Variants in STK32B observed in about 807,000 individuals in gnomAD.
STK32B encodes serine/threonine-protein kinase 32B.
A neutral mutation model predicts 52.6 loss-of-function variants in STK32B; 43 were observed. The ratio of observed to expected loss-of-function variants is 0.82; its 90% confidence interval spans 0.64 to 1.05. STK32B has a LOEUF of 1.05. STK32B is among the 50% of genes least tolerant of loss of function. STK32B has a pLI of 0.00. For synonymous variants in STK32B, 238 were observed against 204.3 expected (o/e 1.17, Z -1.41); for missense variants, 621 against 534.6 (o/e 1.16, Z -1.59).
chr4:5,080,204 T>A (rs1369694073), intron 1 of STK32B, among the ~76,000 whole-genome samples: 1 of 152,152 alleles, frequency 6.6e-6, no homozygotes, highest in African/African-American at 2.4e-5. Flanking sequence ...GATCAAATTC[T>A]CTAAGGCCCT....
chr4:5,352,033 C>G (rs929065375), intron 4 of STK32B, among the ~76,000 whole-genome samples: 1 of 151,912 alleles, frequency 6.6e-6, no homozygotes, highest in Non-Finnish European at 1.5e-5. Flanking sequence ...AAAGAGCTAA[C>G]AAAGTTTTCC....
intron 3 of STK32B, among the ~76,000 whole-genome samples, chr4:5,209,154 A>C (rs768038201): frequency 6.6e-6 from 1 of 152,244 alleles, no homozygotes; most frequent in African/African-American, 2.4e-5. Flanking sequence ...CTAACATATT[A>C]ACAGTAGGGT....
At chr4:5,436,989 A>G (rs1714140816) in intron 6 of STK32B, among the ~76,000 whole-genome samples, 1 of 152,226 alleles carries the variant, frequency 6.6e-6, no homozygotes, top group Non-Finnish European at 1.5e-5. Context: ...GAGCCAGTCC[A>G]CACATTTATT....
chr4:5,223,256 C>T (rs1206710895), intron 3 of STK32B, among the ~76,000 whole-genome samples: 1 of 152,198 alleles, frequency 6.6e-6, no homozygotes, highest in Non-Finnish European at 1.5e-5. Flanking sequence ...CAAAGAATGT[C>T]TCAGAGTCCT....
chr4:5,489,615 T>G (rs916968994), intron 11 of STK32B, among the ~76,000 whole-genome samples: 1 of 151,960 alleles, frequency 6.6e-6, no homozygotes, highest in Non-Finnish European at 1.5e-5. Flanking sequence ...TTATTTTATT[T>G]TATTTATTTT....
intron 11 of STK32B, among the ~76,000 whole-genome samples, chr4:5,497,190 A>T (rs28718965): frequency 6.6e-6 from 1 of 152,000 alleles, no homozygotes; most frequent in Non-Finnish European, 1.5e-5. Context: ...ACATGTTAGC[A>T]GCTGGAATCC....
At chr4:5,183,154 G>C (rs1407369253) in intron 3 of STK32B, among the ~76,000 whole-genome samples, 1 of 152,120 alleles carries the variant, frequency 6.6e-6, no homozygotes, top group Non-Finnish European at 1.5e-5. Flanking sequence ...TTAGCCCCTA[G>C]CAAGAGTCGG....
At chr4:5,424,600 A>G (rs2654505) in intron 6 of STK32B, among the ~76,000 whole-genome samples, 87,811 of 152,090 alleles carry the variant, frequency 0.58, 27,606 homozygotes, top group Middle Eastern at 0.76. Context: ...CATCTGCACA[A>G]TCTGCCCGTG....
At chr4:5,414,147 G>A (rs1711952588) in intron 5 of STK32B, among the ~76,000 whole-genome samples, 1 of 152,104 alleles carries the variant, frequency 6.6e-6, no homozygotes, top group Non-Finnish European at 1.5e-5. Context: ...ATGGAATACT[G>A]TGTAACTATA....
At chr4:5,409,672 T>C (rs1322188770) in intron 5 of STK32B, among the ~76,000 whole-genome samples, 1 of 152,088 alleles carries the variant, frequency 6.6e-6, no homozygotes, top group African/African-American at 2.4e-5. Context: ...GCACCAGAAT[T>C]AGCTGGGGAT....
chr4:5,286,767 A>G (rs1728567760), intron 3 of STK32B, among the ~76,000 whole-genome samples: 2 of 147,246 alleles, frequency 1.4e-5, no homozygotes, highest in Admixed American at 6.8e-5. Context: ...ACATTTTTGC[A>G]TATGTATTTT....
chr4:5,459,952 C>A, intron 8 of STK32B, 151 bp from the exon 9 acceptor site: 2 of 1,170,894 alleles, frequency 1.7e-6, no homozygotes, highest in Non-Finnish European at 2.4e-6. Context: ...GCAGATGGCG[C>A]TTCCAACAAC....
At chr4:5,347,529 G>A (rs1733546903) in intron 4 of STK32B, among the ~76,000 whole-genome samples, 2 of 152,182 alleles carry the variant, frequency 1.3e-5, no homozygotes, top group Non-Finnish European at 2.9e-5. Flanking sequence ...TACTCAAAGA[G>A]CCTTAAAACT....
chr4:5,149,025 G>A (rs1161855868), intron 2 of STK32B, among the ~76,000 whole-genome samples: 1 of 151,652 alleles, frequency 6.6e-6, no homozygotes, highest in Non-Finnish European at 1.5e-5. Flanking sequence ...TGAGATCAGA[G>A]TACCCATTCT....
chr4:5,306,719 G>A (rs1490641428), intron 3 of STK32B, among the ~76,000 whole-genome samples: 1 of 151,914 alleles, frequency 6.6e-6, no homozygotes, highest in East Asian at 1.9e-4. Flanking sequence ...TTTGTGTATT[G>A]TTGTTTTATA....
At chr4:5,194,685 T>A (rs758361386) in intron 3 of STK32B, among the ~76,000 whole-genome samples, 1 of 152,194 alleles carries the variant, frequency 6.6e-6, no homozygotes, top group Non-Finnish European at 1.5e-5. Context: ...ACTGGGTAAT[T>A]TATAAAGAAA....
chr4:5,341,630 A>G (rs1733083165), intron 4 of STK32B, among the ~76,000 whole-genome samples: 1 of 152,224 alleles, frequency 6.6e-6, no homozygotes. Context: ...CTGTAAAGAA[A>G]TACATGAGAC....
At chr4:5,070,334 G>C (rs1030361267) in intron 1 of STK32B, among the ~76,000 whole-genome samples, 5 of 152,116 alleles carry the variant, frequency 3.3e-5, no homozygotes, top group Admixed American at 3.3e-4. Flanking sequence ...TGACTTTCGT[G>C]TCCTGGAGTG....
rs6856262 is a variant in STK32B, at chr4:5,169,936, T to C, written c.260+1486T>C. ...CAATGACATATAACTGTATGTGTTA[T>C]TGATATATAAACATTCAGAGAAATT... On this transcript the variant is annotated intron_variant, in intron 3 of 11. Transcript: ENST00000282908. 6.6e-3 allele frequency among the ~76,000 whole-genome samples: 1,008 copies of C among 152,354 alleles called. 9 individuals carry two copies. The highest frequency in any genetic ancestry group is 0.022 in the African/African-American group (926 of 41,578).
Sources: allele counts gnomAD v4.1 joint callset (sites outside exome capture counted in the v4.1 genomes callset), GRCh38; gene constraint gnomAD v4.1.1; transcripts MANE v1.5; gene names NCBI Gene and HGNC (gene_info 2026-07-23, HGNC 2026-07-21).